Variants in PTDSS2 observed in about 807,000 individuals in gnomAD.
PTDSS2 encodes phosphatidylserine synthase 2.
In PTDSS2, 41 loss-of-function variants were observed where a neutral mutation model predicts 64.7. The ratio of observed to expected loss-of-function variants is 0.63; its 90% CI spans 0.49 to 0.82. The LOEUF is 0.82. Ranked by LOEUF, PTDSS2 falls within the 40% of genes least tolerant of loss-of-function variation. PTDSS2 has a pLI of 0.00. For missense variants in PTDSS2, 485 were observed against 650.0 expected (o/e 0.75, Z 2.76); for synonymous variants, 297 against 277.8 (o/e 1.07, Z -0.69).
At chr11:481,587 T>C (rs1375211223) in intron 4 of PTDSS2, among the ~76,000 whole-genome samples, 2 of 152,218 alleles carry the variant, frequency 1.3e-5, no homozygotes, top group Non-Finnish European at 1.5e-5. Flanking sequence ...TTTACTCCAA[T>C]TATTTTGTTC....
At chr11:451,597 G>A (rs1245791079) in intron 1 of PTDSS2, 2 of 257,504 alleles carry the variant, frequency 7.8e-6, no homozygotes, top group Non-Finnish European at 1.6e-5. Context: ...GGCCAGCAGT[G>A]GAAGGAAGGC....
intron 4 of PTDSS2, among the ~76,000 whole-genome samples, chr11:485,501 C>CAG (rs1848309900): frequency 7.5e-6 from 1 of 133,068 alleles, no homozygotes; most frequent in African/African-American, 2.9e-5. Flanking sequence ...CGAGTGTAAA[C>CAG]TGCACAGGCG....
chr11:490,778 A>ACG lies in PTDSS2; in HGVS notation c.*197_*198dup. 1.6e-6 allele frequency: 1 copy of ACG among 610,938 alleles called. No homozygotes were observed. The highest frequency in any genetic ancestry group is 2.8e-6 in the Non-Finnish European group (1 of 350,938). The allele number at this position is 610,938 out of a possible 1,614,324, so 37.8% of individuals were successfully genotyped here. Reference sequence around the variant, plus strand: ...CTCATCTCCATGTGTACACGTGTGTACGTGTGTATGCGTGTGTGTACGCGT... The same window carrying ACG: ...CTCATCTCCATGTGTACACGTGTGTACGCGTGTGTATGCGTGTGTGTACGCGT... On this transcript the variant is annotated 3_prime_UTR_variant, in exon 12 of 12. Transcript: ENST00000308020.
In PTDSS2 at chr11:489,594, T is replaced by C. The variant is rs774901964; in HGVS notation, c.976T>C (p.Leu326=). ...TCACCCTCTCCTCCCCTAGTTCCTG[T>C]TGGCAGAACTGAACACGTTCTACCT... ...AVCGIILVFL[L]AELNTFYLKF... is the part of the protein sequence containing the mutation. Residue 326 remains leucine, a synonymous_variant, in exon 10 of 12, where the codon TTG becomes CTG. Coordinates refer to ENST00000308020, the MANE Select transcript of PTDSS2 (RefSeq NM_030783.3). 37 of 1,600,752 alleles carry C rather than the reference T, an allele frequency of 2.3e-5. No homozygotes were observed. Among genetic ancestry groups the C allele is most frequent in the Non-Finnish European group, 3.1e-5 (36 of 1,173,712 alleles).
intron 2 of PTDSS2, among the ~76,000 whole-genome samples, chr11:469,482 C>T (rs564280181): frequency 1.5e-4 from 20 of 137,050 alleles, no homozygotes; most frequent in African/African-American, 3.9e-4. Context: ...TCTGGGTAAT[C>T]GGAGGGAGGA....
At chr11:467,446 C>G (rs934084330) in intron 2 of PTDSS2, among the ~76,000 whole-genome samples, 1 of 152,228 alleles carries the variant, frequency 6.6e-6, no homozygotes, top group South Asian at 2.1e-4. Context: ...TTCACAGACT[C>G]TCACAGAACT....
chr11:458,496 C>T (rs1475234730), intron 1 of PTDSS2, among the ~76,000 whole-genome samples: 2 of 148,594 alleles, frequency 1.3e-5, no homozygotes, highest in South Asian at 2.1e-4. Flanking sequence ...TGAGCCACCG[C>T]GCCTGGCCTG....
intron 4 of PTDSS2, among the ~76,000 whole-genome samples, chr11:483,566 G>C (rs1043952581): frequency 6.6e-6 from 1 of 152,180 alleles, no homozygotes; most frequent in Non-Finnish European, 1.5e-5. Context: ...CATCAAGTGA[G>C]ATGATCATAT....
chr11:464,369 A>G (rs1244436395), intron 2 of PTDSS2, among the ~76,000 whole-genome samples: 1 of 152,188 alleles, frequency 6.6e-6, no homozygotes, highest in Non-Finnish European at 1.5e-5. Flanking sequence ...ATGAGTTTTA[A>G]CAGACTCAGA....
chr11:480,777 G>T (rs1178789625), intron 4 of PTDSS2, among the ~76,000 whole-genome samples: 1 of 152,094 alleles, frequency 6.6e-6, no homozygotes, highest in Non-Finnish European at 1.5e-5. Flanking sequence ...TTGAACTCCT[G>T]ACCTCAAATG....
At chr11:465,346 A>G (rs1847094990) in intron 2 of PTDSS2, among the ~76,000 whole-genome samples, 2 of 152,184 alleles carry the variant, frequency 1.3e-5, no homozygotes, top group Non-Finnish European at 2.9e-5. Flanking sequence ...GTGCACCACC[A>G]CACCCAGCTA....
At chr11:466,361 G>A (rs1847140421) in intron 2 of PTDSS2, among the ~76,000 whole-genome samples, 1 of 151,888 alleles carries the variant, frequency 6.6e-6, no homozygotes, top group Non-Finnish European at 1.5e-5. Context: ...CACAAAGGCG[G>A]CAGGAGAGAC....
chr11:486,996 C>G lies in PTDSS2; in HGVS notation c.493C>G (p.Leu165Val), dbSNP rs763112803. Residue 165 changes from leucine (L) to valine (V), a missense_variant, in exon 5 of 12, where the codon CTG becomes GTG. This residue lies in a region of PTDSS2 where 251 missense variants were observed against 348.0 expected (regional missense o/e 0.72). Transcript: ENST00000308020. ...TGTTGACCCCAAGCTGGGAGTCCCA[C>G]TGCCAGAGAGAGACTACGGGGGAAA... ...KYVDPKLGVPLPERDYGGNCL... is the reference protein window; with the variant it reads ...KYVDPKLGVPVPERDYGGNCL... 1.9e-6 allele frequency: 3 copies of G among 1,613,502 alleles called. No homozygotes were observed. The Admixed American group carries it at 5.0e-5, about 27-fold the overall frequency.
At position 489,747 on chromosome 11, in the gene PTDSS2, C is replaced by T. The variant is rs777962910; in HGVS notation, c.1115+14C>T. The T allele has an allele frequency of 2.5e-5, 40 of 1,605,524 alleles. No homozygotes were observed. The highest frequency in any genetic ancestry group is 3.1e-5 in the Non-Finnish European group (37 of 1,176,248). On this transcript the variant is annotated intron_variant, in intron 10 of 11. Transcript: ENST00000308020. ...CATGGATGACCCGTGAGGGCTGCGG[C>T]AGTCCGGGTGGAGACACCCCCGGGG...
chr11:490,607 C>T lies in PTDSS2; in HGVS notation c.*25C>T. 3 of 1,552,588 alleles carry T rather than the reference C, an allele frequency of 1.9e-6. No individual in the cohort carries two copies. The highest frequency in any genetic ancestry group is 2.6e-6 in the Non-Finnish European group (3 of 1,147,226). ...ACCTGGGCCGTGGCTGCCTCGTGAGCCTCCCAGAGCCCAGGCCTCCGTGGC... is the reference window on the plus strand; with the variant it reads ...ACCTGGGCCGTGGCTGCCTCGTGAGTCTCCCAGAGCCCAGGCCTCCGTGGC... On this transcript the variant is annotated 3_prime_UTR_variant, in exon 12 of 12. Coordinates refer to ENST00000308020, the MANE Select transcript of PTDSS2 (RefSeq NM_030783.3).
chr11:468,855 TGGAGGGGAGTCTCTGAATAATTGGAGAA>T (rs1471568385), intron 2 of PTDSS2, among the ~76,000 whole-genome samples: 2 of 119,802 alleles, frequency 1.7e-5, no homozygotes, highest in Non-Finnish European at 3.4e-5. Context: ...GTCTCTGAGA[TGGAGGGGAGTCTCTGAATAATTGGAGAA>T]GGAGGGGAGT....
chr11:473,029 T>A (rs2133800882), intron 2 of PTDSS2, among the ~76,000 whole-genome samples: 1 of 152,322 alleles, frequency 6.6e-6, no homozygotes, highest in Non-Finnish European at 1.5e-5. Flanking sequence ...ACAGAGCGCG[T>A]CCGCAGAGCG....
upstream of PTDSS2, among the ~76,000 whole-genome samples, chr11:449,254 G>C (rs1038295341): frequency 6.6e-6 from 1 of 152,170 alleles, no homozygotes; most frequent in Non-Finnish European, 1.5e-5. Flanking sequence ...TTTTAGTAAA[G>C]ATGGGGTGTC....
rs1233783252 is a variant in PTDSS2, at chr11:488,254, TC to T, written c.679del (p.Leu227TrpfsTer36). On this transcript the variant is annotated frameshift_variant, in exon 7 of 12. Coordinates refer to ENST00000308020, the MANE Select transcript of PTDSS2 (RefSeq NM_030783.3). LOFTEE classifies it high-confidence loss of function. ...ATGATCATCAGCGTGATGTTCGAGT[TC>T]CTGGAGTACAGCCTGGAGCACCAGC... is the stretch of plus-strand genomic sequence containing the variant. The part of the protein sequence containing the change: ...MCMIISVMFE[F>X]LEYSLEHQLP... The T allele has an allele frequency of 6.2e-7, 1 of 1,613,582 alleles. No homozygotes were observed. Among genetic ancestry groups the T allele is most frequent in the Non-Finnish European group, 8.5e-7 (1 of 1,179,942 alleles).
Sources: gnomAD v4.1 joint callset for allele counts (sites outside exome capture counted in the v4.1 genomes callset) on GRCh38, gnomAD v4.1.1 for gene constraint, gnomAD v4.1.1 regional missense constraint, MANE v1.5 for transcripts, NCBI Gene and HGNC (gene_info 2026-07-23, HGNC 2026-07-21) for gene names.